SLC25A26: variants seen among roughly 807,000 people sequenced by gnomAD.
SLC25A26 encodes mitochondrial S-adenosylmethionine carrier protein.
Under a neutral mutation model 37.8 loss-of-function variants are expected in SLC25A26, and 36 were observed. The ratio of observed to expected loss-of-function variants is 0.95; its 90% CI spans 0.73 to 1.26. The LOEUF is 1.26. Ranked by LOEUF, SLC25A26 falls within the 50% of genes most tolerant of loss-of-function variation. The pLI, the probability that SLC25A26 is intolerant of heterozygous loss-of-function variation, is 0.00. For synonymous variants in SLC25A26, 129 were observed against 122.5 expected (o/e 1.05, Z -0.35); for missense variants, 390 against 331.1 (o/e 1.18, Z -1.38).
intron 5 of SLC25A26, 84 bp downstream of exon 5, chr3:66,263,463 T>G (rs548252663): frequency 2.4e-4 from 199 of 834,536 alleles, no homozygotes; most frequent in Non-Finnish European, 3.5e-4. Context: ...CAATTAGAAA[T>G]ATATTTGGAG....
intron 5 of SLC25A26, among the ~76,000 whole-genome samples, chr3:66,267,205 A>G (rs1009444358): frequency 3.7e-5 from 4 of 108,032 alleles, no homozygotes. Flanking sequence ...AGTGGTGCTC[A>G]GTTAGCATAA....
intron 5 of SLC25A26, among the ~76,000 whole-genome samples, chr3:66,266,856 T>G (rs2073773056): frequency 6.6e-6 from 1 of 152,200 alleles, no homozygotes; most frequent in Non-Finnish European, 1.5e-5. Context: ...TGAGATGCTA[T>G]TGGCCTGAAA....
chr3:66,311,665 A>C (rs1490600338), intron 5 of SLC25A26, among the ~76,000 whole-genome samples: 1 of 151,792 alleles, frequency 6.6e-6, no homozygotes, highest in Non-Finnish European at 1.5e-5. Flanking sequence ...ACTTTTGGAT[A>C]GGGTTTTTGC....
At chr3:66,137,209 T>C (rs2069959171) in intron 1 of SLC25A26, among the ~76,000 whole-genome samples, 1 of 147,522 alleles carries the variant, frequency 6.8e-6, no homozygotes, top group African/African-American at 2.5e-5. Context: ...TATGCTGTGA[T>C]TTTCTTTCTT....
chr3:66,350,781 C>T (rs1425878206), intron 6 of SLC25A26, among the ~76,000 whole-genome samples: 2 of 152,050 alleles, frequency 1.3e-5, no homozygotes, highest in Admixed American at 1.3e-4. Flanking sequence ...GAATAGCCTC[C>T]TTACTGCCTC....
chr3:66,273,832 A>G (rs904286764), intron 5 of SLC25A26, among the ~76,000 whole-genome samples: 1 of 152,148 alleles, frequency 6.6e-6, no homozygotes, highest in Non-Finnish European at 1.5e-5. Context: ...GCCCAAGGTA[A>G]TTTTTAGATT....
chr3:66,274,335 C>T (rs1487654626), intron 5 of SLC25A26, among the ~76,000 whole-genome samples: 66 of 151,930 alleles, frequency 4.3e-4, no homozygotes, highest in African/African-American at 1.5e-3. Flanking sequence ...AGGACATAGG[C>T]ATGGGCAAGG....
intron 2 of SLC25A26, among the ~76,000 whole-genome samples, chr3:66,242,422 A>G (rs967173795): frequency 6.6e-6 from 1 of 152,222 alleles, no homozygotes; most frequent in Non-Finnish European, 1.5e-5. Context: ...TAGCACGTGA[A>G]GATCCTTTAC....
At chr3:66,163,952 A>G (rs1015029302) in intron 1 of SLC25A26, among the ~76,000 whole-genome samples, 7 of 152,154 alleles carry the variant, frequency 4.6e-5, no homozygotes, top group African/African-American at 1.2e-4. Context: ...CTAGTGGGTA[A>G]AGGCCAGGGA....
chr3:66,194,292 C>T (rs1479313496), intron 1 of SLC25A26, among the ~76,000 whole-genome samples: 4 of 152,168 alleles, frequency 2.6e-5, no homozygotes, highest in African/African-American at 9.7e-5. Context: ...TGCTGGAAAG[C>T]TATTCCATGC....
chr3:66,269,905 A>G lies in SLC25A26; in HGVS notation c.453+6526A>G, dbSNP rs181244349. ...ATAGCGTGTAAATCCTCTTGAAAAC[A>G]GCCACTGGGTTTTTACCTCCTTGTA... On this transcript the variant is annotated intron_variant, in intron 5 of 9. Transcript: ENST00000354883. Among the ~76,000 whole-genome samples, 351 of 152,330 alleles carry G rather than the reference A, an allele frequency of 2.3e-3. 1 individual carries two copies. The highest frequency in any genetic ancestry group is 3.9e-3 in the Non-Finnish European group (267 of 68,020).
intron 7 of SLC25A26, among the ~76,000 whole-genome samples, chr3:66,365,035 G>T (rs1326802072): frequency 6.6e-6 from 1 of 152,140 alleles, no homozygotes; most frequent in Admixed American, 6.5e-5. Flanking sequence ...CATTTCTGAA[G>T]GATAAACATC....
intron 1 of SLC25A26, among the ~76,000 whole-genome samples, chr3:66,203,558 G>C (rs1236354294): frequency 6.6e-6 from 1 of 152,060 alleles, no homozygotes; most frequent in Admixed American, 6.5e-5. Context: ...CTAATACATA[G>C]ATGTTTGATT....
chr3:66,252,714 A>C (rs1444205059), intron 3 of SLC25A26, among the ~76,000 whole-genome samples: 1 of 152,196 alleles, frequency 6.6e-6, no homozygotes, highest in South Asian at 2.1e-4. Flanking sequence ...AGAATTTCCT[A>C]GTTTTGGGAA....
chr3:66,306,705 G>A lies in SLC25A26; in HGVS notation c.454-39659G>A, dbSNP rs1180473682. Among the ~76,000 whole-genome samples, 3 of 152,230 alleles carry A rather than the reference G, an allele frequency of 2.0e-5. No individual in the cohort carries two copies. The East Asian group carries it at 5.8e-4, about 29-fold the overall frequency. On this transcript the variant is annotated intron_variant, in intron 5 of 9. Transcript: ENST00000354883. ...CAGTGTGAGATGTTCCCCTCCCTGG[G>A]TCCATGTGTTCTCATTGTTCACCTC...
rs139695822 is a variant in SLC25A26 at position 66,184,578 on chromosome 3, C to A, written c.-353-36164C>A. On this transcript the variant is annotated intron_variant, in intron 1 of 10. Coordinates refer to the SLC25A26 transcript ENST00000676754. ...ATCCTCATCAGGACCGTTATGTTCA[C>A]CTGACTCTGCTCACCTTGAGTTTAC... Among the ~76,000 whole-genome samples the A allele has an allele frequency of 6.6e-5, 7 of 105,788 alleles. No individual in the cohort carries two copies. In the Admixed American group the frequency reaches 8.6e-4, roughly 13 times the overall value. 69.4% of individuals were successfully genotyped at this position (105,788 alleles called of 152,430 possible). A position where few individuals can be genotyped will look rare whatever the true frequency, so the allele number is the denominator to read the frequency against.
intron 5 of SLC25A26, among the ~76,000 whole-genome samples, chr3:66,338,902 C>T (rs1031361613): frequency 2.6e-5 from 4 of 151,952 alleles, no homozygotes; most frequent in African/African-American, 7.2e-5. Context: ...TGGCATGTAT[C>T]GGAACTTTAT....
intron 5 of SLC25A26, among the ~76,000 whole-genome samples, chr3:66,280,828 G>A (rs1188773201): frequency 6.6e-6 from 1 of 151,968 alleles, no homozygotes; most frequent in African/African-American, 2.4e-5. Context: ...TAAGTAAGTA[G>A]CAGACAATTT....
At chr3:66,240,404 C>A (rs2072517688) in intron 2 of SLC25A26, among the ~76,000 whole-genome samples, 1 of 152,126 alleles carries the variant, frequency 6.6e-6, no homozygotes, top group African/African-American at 2.4e-5. Context: ...ATCCTCCCAC[C>A]TCAGTCCCAA....
Sources: gnomAD v4.1 joint callset for allele counts (sites outside exome capture counted in the v4.1 genomes callset) on GRCh38, gnomAD v4.1.1 for gene constraint, MANE v1.5 for transcripts, NCBI Gene and HGNC (gene_info 2026-07-23, HGNC 2026-07-21) for gene names.